The following GRM7 variants were observed in gnomAD, a reference collection of about 807,000 sequenced individuals.
GRM7 encodes glutamate metabotropic receptor 7.
Under a neutral mutation model 84.5 loss-of-function variants are expected in GRM7, and 35 were observed. The observed-to-expected ratio is 0.41, with a 90% CI of 0.32 to 0.55. GRM7 has a LOEUF of 0.55. Among genes scored for constraint, GRM7 ranks in the 20% least tolerant of loss-of-function variants. GRM7 has a pLI of 0.19. For missense variants in GRM7, 1,003 were observed against 1,194.6 expected (o/e 0.84, Z 2.36); for synonymous variants, 487 against 455.1 (o/e 1.07, Z -0.89).
chr3:6,880,849 G>A (rs1042681215), intron 1 of GRM7, among the ~76,000 whole-genome samples: 3 of 152,140 alleles, frequency 2.0e-5, no homozygotes, highest in Admixed American at 6.5e-5. Flanking sequence ...AAAAGGTAGC[G>A]ATGTTAATTA....
intron 8 of GRM7, among the ~76,000 whole-genome samples, chr3:7,645,769 C>T (rs1329927182): frequency 6.6e-6 from 1 of 152,104 alleles, no homozygotes; most frequent in Non-Finnish European, 1.5e-5. Context: ...CTGTTTACGA[C>T]TGAGCTATCA....
intron 2 of GRM7, among the ~76,000 whole-genome samples, chr3:7,199,431 G>C (rs1345481526): frequency 1.3e-5 from 2 of 152,140 alleles, no homozygotes. Context: ...CTGAATCCCT[G>C]ACCCACAAAA....
At chr3:7,310,452 T>G (rs895093797) in intron 4 of GRM7, among the ~76,000 whole-genome samples, 1 of 152,182 alleles carries the variant, frequency 6.6e-6, no homozygotes, top group Non-Finnish European at 1.5e-5. Context: ...AGATCTGAAC[T>G]AAAATATTCC....
intron 1 of GRM7, among the ~76,000 whole-genome samples, chr3:7,094,953 A>T (rs762339834): frequency 2.0e-5 from 3 of 152,032 alleles, no homozygotes; most frequent in African/African-American, 7.2e-5. Context: ...AATATATAAA[A>T]ATGCTACTTG....
At chr3:7,101,569 C>T (rs982796358) in intron 1 of GRM7, among the ~76,000 whole-genome samples, 15 of 151,242 alleles carry the variant, frequency 9.9e-5, no homozygotes, top group Admixed American at 4.6e-4. Context: ...AATATAATCA[C>T]GGTTAGGTCT....
intron 1 of GRM7, among the ~76,000 whole-genome samples, chr3:7,060,556 C>A (rs1375166831): frequency 6.6e-6 from 1 of 151,752 alleles, no homozygotes; most frequent in South Asian, 2.1e-4. Context: ...GGGAAGAGAG[C>A]TGATCATGAG....
At chr3:7,641,732 C>A (rs1698373129) in intron 8 of GRM7, among the ~76,000 whole-genome samples, 1 of 152,074 alleles carries the variant, frequency 6.6e-6, no homozygotes, top group African/African-American at 2.4e-5. Context: ...GACTACATAA[C>A]AACATGAAAT....
At chr3:7,196,603 C>A (rs1161107388) in intron 2 of GRM7, among the ~76,000 whole-genome samples, 1 of 152,104 alleles carries the variant, frequency 6.6e-6, no homozygotes, top group Non-Finnish European at 1.5e-5. Flanking sequence ...CTACTGCTGG[C>A]CTGGAAAGTT....
intron 1 of GRM7, among the ~76,000 whole-genome samples, chr3:7,076,369 T>G (rs1292308132): frequency 6.6e-6 from 1 of 152,118 alleles, no homozygotes; most frequent in Non-Finnish European, 1.5e-5. Flanking sequence ...GGGAGGTGAT[T>G]GGATCATGAG....
chr3:6,964,023 C>G (rs1693403572), intron 1 of GRM7, among the ~76,000 whole-genome samples: 1 of 152,174 alleles, frequency 6.6e-6, no homozygotes, highest in Non-Finnish European at 1.5e-5. Context: ...CATATTCTCA[C>G]CACTGATTCA....
intron 1 of GRM7, among the ~76,000 whole-genome samples, chr3:6,886,114 T>G (rs11715805): frequency 1.3e-4 from 18 of 133,488 alleles, no homozygotes; most frequent in Non-Finnish European, 1.8e-4. Context: ...TGTGTGGGTG[T>G]GTGTGTGTGT....
At chr3:7,017,077 C>T (rs956097539) in intron 1 of GRM7, among the ~76,000 whole-genome samples, 1 of 152,182 alleles carries the variant, frequency 6.6e-6, no homozygotes, top group Non-Finnish European at 1.5e-5. Context: ...ACTTGGGAGC[C>T]ATTGCTCTAA....
intron 6 of GRM7, among the ~76,000 whole-genome samples, chr3:7,459,837 G>T (rs1313304971): frequency 6.6e-6 from 1 of 152,028 alleles, no homozygotes; most frequent in African/African-American, 2.4e-5. Context: ...AAGAGTGTGT[G>T]AGTATAAGCA....
intron 1 of GRM7, among the ~76,000 whole-genome samples, chr3:6,920,308 A>G (rs1697080532): frequency 6.6e-6 from 1 of 152,174 alleles, no homozygotes; most frequent in Non-Finnish European, 1.5e-5. Flanking sequence ...TAATCCTAGC[A>G]CTTTGGGAGG....
intron 1 of GRM7, among the ~76,000 whole-genome samples, chr3:7,022,138 A>G (rs1304011482): frequency 2.6e-5 from 4 of 151,932 alleles, no homozygotes; most frequent in Non-Finnish European, 5.9e-5. Flanking sequence ...ACCGGCCTGT[A>G]CAACATGGTG....
chr3:7,042,929 G>T (rs1398823146), intron 1 of GRM7, among the ~76,000 whole-genome samples: 2 of 152,142 alleles, frequency 1.3e-5, no homozygotes, highest in Non-Finnish European at 2.9e-5. Flanking sequence ...ATTCTAGGAT[G>T]TACTCAAGTT....
intron 8 of GRM7, among the ~76,000 whole-genome samples, chr3:7,641,527 G>C (rs1559457859): frequency 6.6e-6 from 1 of 152,056 alleles, no homozygotes; most frequent in South Asian, 2.1e-4. Context: ...CCATCACTTT[G>C]GGAACATGTG....
intron 8 of GRM7, among the ~76,000 whole-genome samples, chr3:7,633,633 C>T (rs1202109647): frequency 2.0e-5 from 3 of 152,112 alleles, no homozygotes; most frequent in African/African-American, 7.2e-5. Context: ...ACTACTCCTG[C>T]AGCTTCTAAT....
intron 2 of GRM7, among the ~76,000 whole-genome samples, chr3:7,216,585 C>T (rs1055128419): frequency 3.9e-5 from 6 of 152,120 alleles, no homozygotes; most frequent in Admixed American, 3.3e-4. Context: ...AATAACACAT[C>T]TTTTGTGGTC....
Sources: allele counts gnomAD v4.1 joint callset (sites outside exome capture counted in the v4.1 genomes callset), GRCh38; gene constraint gnomAD v4.1.1; transcripts MANE v1.5; gene names NCBI Gene and HGNC (gene_info 2026-07-23, HGNC 2026-07-21).